The following ALCAM variants were observed in gnomAD, a reference collection of about 807,000 sequenced individuals.
The protein encoded by ALCAM is CD166 antigen.
A neutral mutation model predicts 70.9 loss-of-function variants in ALCAM; 30 were observed. The ratio of observed to expected loss-of-function variants is 0.42; its 90% CI spans 0.32 to 0.57. The LOEUF is 0.57. Ranked by LOEUF, ALCAM falls within the 20% of genes least tolerant of loss-of-function variation. The pLI, the probability that ALCAM is intolerant of heterozygous loss-of-function variation, is 0.11. For missense variants in ALCAM, 591 were observed against 695.1 expected, an observed-to-expected ratio of 0.85 and a Z score of 1.68; for synonymous variants, 249 against 242.5, an observed-to-expected ratio of 1.03 and a Z score of -0.25.
chr3:105,518,700 A>G (rs1939447761), intron 1 of ALCAM, among the ~76,000 whole-genome samples: 1 of 152,100 alleles, frequency 6.6e-6, no homozygotes, highest in East Asian at 1.9e-4. Flanking sequence ...GACTGAACAT[A>G]TGATAAGCAA....
At chr3:105,485,185 A>T (rs1188033859) in intron 1 of ALCAM, among the ~76,000 whole-genome samples, 1 of 152,094 alleles carries the variant, frequency 6.6e-6, no homozygotes, top group Non-Finnish European at 1.5e-5. Flanking sequence ...CATCATGAAA[A>T]GATGCTTGTG....
intron 8 of ALCAM, chr3:105,544,842 T>C (rs1388512881): frequency 5.2e-6 from 1 of 192,470 alleles, no homozygotes; most frequent in Non-Finnish European, 1.1e-5. Flanking sequence ...TTTTCCAACA[T>C]TTATGCCTTA....
intron 1 of ALCAM, among the ~76,000 whole-genome samples, chr3:105,450,779 T>C (rs536042853): frequency 6.6e-6 from 1 of 152,240 alleles, no homozygotes; most frequent in East Asian, 1.9e-4. Context: ...AATGATAATA[T>C]CCAATGTCTG....
Position 105,476,945 on chromosome 3 carries a change from CGTG to C in ALCAM, c.74-43121_74-43119del, listed in dbSNP as rs1274166156. On this transcript the variant is annotated intron_variant, in intron 1 of 15. Coordinates refer to ENST00000306107, the MANE Select transcript of ALCAM (RefSeq NM_001627.4). ...GGGCTAGTCTTTACCATGCTATCCTCGTGATAGTTAATAAGTCTCACAAGATCT... is the reference window on the plus strand; with the variant it reads ...GGGCTAGTCTTTACCATGCTATCCTCATAGTTAATAAGTCTCACAAGATCT... 3.3e-5 allele frequency among the ~76,000 whole-genome samples: 5 copies of C among 152,082 alleles called. No homozygotes were observed. The South Asian group carries it at 6.2e-4, about 19-fold the overall frequency.
intron 1 of ALCAM, among the ~76,000 whole-genome samples, chr3:105,454,520 T>C (rs1404992942): frequency 1.3e-5 from 2 of 152,124 alleles, no homozygotes; most frequent in African/African-American, 2.4e-5. Context: ...TTTTAGGAAG[T>C]TGACCCTGAG....
chr3:105,484,021 T>G (rs1008445449), intron 1 of ALCAM, among the ~76,000 whole-genome samples: 3 of 152,064 alleles, frequency 2.0e-5, no homozygotes, highest in Admixed American at 2.0e-4. Context: ...AATGAAGATA[T>G]TTGATAAAAT....
chr3:105,572,648 G>A (rs896016226), intron 15 of ALCAM, among the ~76,000 whole-genome samples: 3 of 152,126 alleles, frequency 2.0e-5, no homozygotes, highest in Non-Finnish European at 4.4e-5. Context: ...ATATCCTTCA[G>A]GAATCACCAC....
chr3:105,533,123 C>T (rs1939880622), intron 4 of ALCAM, among the ~76,000 whole-genome samples: 1 of 152,050 alleles, frequency 6.6e-6, no homozygotes, highest in South Asian at 2.1e-4. Context: ...AGTTAAAATA[C>T]ATTTAAAGAA....
chr3:105,524,494 T>C lies in ALCAM; in HGVS notation c.380T>C (p.Ile127Thr). ...GACAACGTGTTTGAGGCACCTACAATAGTCAAGGTGTTCAGTAAGTAGTCT... is the reference window on the plus strand; with the variant it reads ...GACAACGTGTTTGAGGCACCTACAACAGTCAAGGTGTTCAGTAAGTAGTCT... ...TEDNVFEAPT[I>T]VKVFKQPSKP... The change falls in exon 3 of 16, where the codon ATA becomes ACA. Residue 127 changes from isoleucine (I) to threonine (T), a missense_variant. Coordinates refer to ENST00000306107, the MANE Select transcript of ALCAM (RefSeq NM_001627.4). The C allele has an allele frequency of 4.3e-6, 7 of 1,614,072 alleles. No homozygotes were observed. Among genetic ancestry groups the C allele is most frequent in the Non-Finnish European group, 5.1e-6 (6 of 1,179,944 alleles).
intron 14 of ALCAM, among the ~76,000 whole-genome samples, chr3:105,556,273 C>T (rs906465186): frequency 6.6e-6 from 1 of 151,898 alleles, no homozygotes; most frequent in Non-Finnish European, 1.5e-5. Flanking sequence ...ATATTAGGAC[C>T]ATAATTTCAA....
At chr3:105,543,518 C>T (rs935270928) in intron 8 of ALCAM, among the ~76,000 whole-genome samples, 1 of 151,474 alleles carries the variant, frequency 6.6e-6, no homozygotes, top group Non-Finnish European at 1.5e-5. Context: ...TTTCCAAAAA[C>T]AAGATTTGTT....
At chr3:105,441,998 A>G (rs1203730348) in intron 1 of ALCAM, among the ~76,000 whole-genome samples, 1 of 152,234 alleles carries the variant, frequency 6.6e-6, no homozygotes, top group East Asian at 1.9e-4. Flanking sequence ...GATTTAAAAA[A>G]TAGTCTAACA....
intron 1 of ALCAM, among the ~76,000 whole-genome samples, chr3:105,422,970 A>G (rs1205696462): frequency 6.6e-6 from 1 of 151,518 alleles, no homozygotes. Flanking sequence ...TTTACAACAT[A>G]ATGTATAGTT....
intron 1 of ALCAM, among the ~76,000 whole-genome samples, chr3:105,454,255 C>T (rs939728696): frequency 2.6e-5 from 4 of 152,124 alleles, no homozygotes; most frequent in East Asian, 1.9e-4. Flanking sequence ...TCCACAGTGA[C>T]GAATTGCACA....
chr3:105,556,790 C>T (rs1940527159), intron 14 of ALCAM, among the ~76,000 whole-genome samples: 1 of 152,024 alleles, frequency 6.6e-6, no homozygotes, highest in Admixed American at 6.6e-5. Context: ...TATATGTTCT[C>T]AGAAGAGGGA....
chr3:105,522,797 GT>G (rs1939580192), intron 2 of ALCAM, among the ~76,000 whole-genome samples: 1 of 152,206 alleles, frequency 6.6e-6, no homozygotes, highest in Non-Finnish European at 1.5e-5. Flanking sequence ...TAATATTTAA[GT>G]TTAACTTATA....
At chr3:105,478,691 T>C (rs1253837813) in intron 1 of ALCAM, among the ~76,000 whole-genome samples, 3 of 152,172 alleles carry the variant, frequency 2.0e-5, no homozygotes, top group African/African-American at 4.8e-5. Flanking sequence ...AATAAGAGCT[T>C]TTCTAGTCAT....
intron 1 of ALCAM, among the ~76,000 whole-genome samples, chr3:105,489,613 T>G (rs1938528201): frequency 6.6e-6 from 1 of 152,222 alleles, no homozygotes; most frequent in Non-Finnish European, 1.5e-5. Context: ...TCATCTAAAA[T>G]GTCAAAGCAT....
chr3:105,430,541 G>A (rs1233300350), intron 1 of ALCAM, among the ~76,000 whole-genome samples: 3 of 152,060 alleles, frequency 2.0e-5, no homozygotes, highest in African/African-American at 7.2e-5. Context: ...AGGCAAAATG[G>A]CATTCTCATC....
Sources: gnomAD v4.1 joint callset for allele counts (sites outside exome capture counted in the v4.1 genomes callset) on GRCh38, gnomAD v4.1.1 for gene constraint, MANE v1.5 for transcripts, NCBI Gene and HGNC (gene_info 2026-07-23, HGNC 2026-07-21) for gene names.